Variants in NRXN3 observed in about 807,000 individuals in gnomAD.
NRXN3 encodes the protein neurexin III.
A neutral mutation model predicts 137.6 loss-of-function variants in NRXN3; 32 were observed. That is an observed-to-expected ratio of 0.23 (90% confidence interval 0.18 to 0.31). The LOEUF (loss-of-function observed/expected upper bound fraction) is 0.31. NRXN3 is among the 10% of genes least tolerant of loss of function. NRXN3 has a pLI of 1.00. For synonymous variants in NRXN3, 798 were observed against 784.5 expected (o/e 1.02, Z -0.29); for missense variants, 1,574 against 2,062.5 (o/e 0.76, Z 4.59).
rs187678239 is a variant in NRXN3, at chr14:78,894,977, C to T, written c.2276-62265C>T. Among the ~76,000 whole-genome samples, 11 of 151,534 alleles carry T rather than the reference C, an allele frequency of 7.3e-5. No homozygotes were observed. In the East Asian group the frequency reaches 2.2e-3, roughly 30 times the overall value. The stretch of plus-strand genomic sequence containing the variant: ...ACCATTTTGTAAATAGATGTACTGT[C>T]ATCCAGGCTTTGTTGTTCCATTTAC... On this transcript the variant is annotated intron_variant, in intron 10 of 20. Transcript: ENST00000335750.
At chr14:78,319,468 T>A (rs2079076292) in intron 4 of NRXN3, among the ~76,000 whole-genome samples, 2 of 152,162 alleles carry the variant, frequency 1.3e-5, no homozygotes, top group African/African-American at 4.8e-5. Flanking sequence ...ATCATCACCA[T>A]GAGGACACAT....
rs868351129 is a variant in NRXN3, at chr14:79,504,355, A to T, written c.3444+36953A>T. Among the ~76,000 whole-genome samples the T allele has an allele frequency of 2.6e-5, 4 of 152,184 alleles. No individual in the cohort carries two copies. The South Asian group carries it at 6.2e-4, about 24-fold the overall frequency. On this transcript the variant is annotated intron_variant, in intron 16 of 20. Coordinates refer to ENST00000335750, the MANE Select transcript of NRXN3 (RefSeq NM_001330195.2). ...TGCTTAGACTGGAACACAAAATTTT[A>T]TCTATTTTAATGTTCCGTCATATAA... is the stretch of plus-strand genomic sequence containing the variant.
intron 4 of NRXN3, among the ~76,000 whole-genome samples, chr14:78,406,965 C>T (rs980169757): frequency 1.3e-5 from 2 of 152,094 alleles, no homozygotes; most frequent in African/African-American, 2.4e-5. Context: ...CAGTGAAACT[C>T]GGGTCCTAAA....
At chr14:78,236,320 G>A (rs574688436) in intron 1 of NRXN3, among the ~76,000 whole-genome samples, 9 of 152,026 alleles carry the variant, frequency 5.9e-5, no homozygotes, top group Non-Finnish European at 8.8e-5. Flanking sequence ...GCCTCTTTTC[G>A]GTTTACATAA....
chr14:79,068,796 A>T (rs1199755116), intron 15 of NRXN3, among the ~76,000 whole-genome samples: 1 of 152,114 alleles, frequency 6.6e-6, no homozygotes, highest in Non-Finnish European at 1.5e-5. Context: ...AGTGAATGGA[A>T]GTCTAAATAA....
chr14:78,511,588 G>A (rs1450641491), intron 4 of NRXN3, among the ~76,000 whole-genome samples: 1 of 152,234 alleles, frequency 6.6e-6, no homozygotes, highest in Middle Eastern at 3.4e-3. Flanking sequence ...GATGGAGAAA[G>A]AGATTTTGCA....
At chr14:79,715,125 T>G (rs1019085165) in intron 19 of NRXN3, among the ~76,000 whole-genome samples, 3 of 152,060 alleles carry the variant, frequency 2.0e-5, no homozygotes, top group African/African-American at 4.8e-5. Flanking sequence ...GGCCAATTTT[T>G]TGTATTTTTA....
At chr14:78,404,421 A>G (rs144699175) in intron 4 of NRXN3, among the ~76,000 whole-genome samples, 28 of 152,258 alleles carry the variant, frequency 1.8e-4, no homozygotes, top group African/African-American at 6.7e-4. Context: ...GGCTGAGACA[A>G]ACACATTCCC....
intron 19 of NRXN3, among the ~76,000 whole-genome samples, chr14:79,717,329 A>T (rs1295725225): frequency 6.6e-6 from 1 of 152,166 alleles, no homozygotes; most frequent in Admixed American, 6.5e-5. Flanking sequence ...CCTACCACTA[A>T]CAGAACAGCA....
At chr14:78,620,452 G>A (rs2097391690) in intron 4 of NRXN3, among the ~76,000 whole-genome samples, 1 of 152,148 alleles carries the variant, frequency 6.6e-6, no homozygotes, top group Non-Finnish European at 1.5e-5. Flanking sequence ...AGAGTAGCTA[G>A]CAAATGAATG....
chr14:79,422,978 A>T (rs576541700), intron 15 of NRXN3, among the ~76,000 whole-genome samples: 2 of 152,200 alleles, frequency 1.3e-5, no homozygotes, highest in South Asian at 4.1e-4. Flanking sequence ...GATTACAGGC[A>T]TGGGTCACCG....
intron 4 of NRXN3, among the ~76,000 whole-genome samples, chr14:78,543,129 G>A (rs2096606711): frequency 6.6e-6 from 1 of 152,166 alleles, no homozygotes; most frequent in Non-Finnish European, 1.5e-5. Context: ...TAAGCTGGCT[G>A]CCCTGATTCA....
intron 15 of NRXN3, among the ~76,000 whole-genome samples, chr14:79,311,039 T>C (rs1275586173): frequency 8.0e-6 from 1 of 124,584 alleles, no homozygotes; most frequent in Non-Finnish European, 1.6e-5. Flanking sequence ...CTTCCAGTTT[T>C]TGCCCATTCA....
chr14:78,593,532 G>A (rs1256929239), intron 4 of NRXN3, among the ~76,000 whole-genome samples: 1 of 152,204 alleles, frequency 6.6e-6, no homozygotes, highest in Non-Finnish European at 1.5e-5. Flanking sequence ...GAGCTTGCTG[G>A]TGACTTTCCT....
Position 79,109,785 on chromosome 14 carries a change from A to G in NRXN3, c.3262+121644A>G, listed in dbSNP as rs1433688964. ...GAGAATATTAGACATATTTATAAGT[A>G]TCGTTTGTCATGCAAGGGCTAATTA... is the stretch of plus-strand genomic sequence containing the variant. On this transcript the variant is annotated intron_variant, in intron 15 of 20. Transcript: ENST00000335750. Among the ~76,000 whole-genome samples the G allele has an allele frequency of 2.0e-5, 3 of 152,196 alleles. No individual in the cohort carries two copies. The East Asian group carries it at 5.8e-4, about 29-fold the overall frequency.
At chr14:79,667,141 C>T (rs541232972) in intron 17 of NRXN3, among the ~76,000 whole-genome samples, 48 of 152,062 alleles carry the variant, frequency 3.2e-4, no homozygotes, top group African/African-American at 1.1e-3. Context: ...CAAAATTCCC[C>T]GTGTCTGGGC....
intron 15 of NRXN3, among the ~76,000 whole-genome samples, chr14:79,422,577 C>T (rs1044802244): frequency 8.6e-5 from 13 of 151,764 alleles, no homozygotes; most frequent in Non-Finnish European, 4.4e-5. Flanking sequence ...AGAAGGTATT[C>T]TATGGTAGAA....
At chr14:79,302,466 G>C (rs982359434) in intron 15 of NRXN3, among the ~76,000 whole-genome samples, 1 of 151,970 alleles carries the variant, frequency 6.6e-6, no homozygotes, top group Non-Finnish European at 1.5e-5. Flanking sequence ...AAGAGAGATA[G>C]GGGAGGAGTT....
chr14:78,927,327 G>A (rs1245234491), intron 10 of NRXN3, among the ~76,000 whole-genome samples: 1 of 151,678 alleles, frequency 6.6e-6, no homozygotes, highest in East Asian at 1.9e-4. Flanking sequence ...AGAACATTCT[G>A]TAACTTGGTA....
Sources: gnomAD v4.1 joint callset for allele counts (sites outside exome capture counted in the v4.1 genomes callset) on GRCh38, gnomAD v4.1.1 for gene constraint, MANE v1.5 for transcripts, NCBI Gene and HGNC (gene_info 2026-07-23, HGNC 2026-07-21) for gene names.